CRIM1: variants seen among roughly 807,000 people sequenced by gnomAD.
CRIM1 encodes cysteine rich transmembrane BMP regulator 1.
In CRIM1, 32 loss-of-function variants were observed where a neutral mutation model predicts 116.4. The ratio of observed to expected loss-of-function variants is 0.27; its 90% CI spans 0.21 to 0.37. The LOEUF is 0.37. CRIM1 is among the 10% of genes least tolerant of loss of function. The pLI, the probability that CRIM1 is intolerant of heterozygous loss-of-function variation, is 1.00. For missense variants in CRIM1, 1,331 were observed against 1,354.8 expected (o/e 0.98, Z 0.28); for synonymous variants, 590 against 509.2 (o/e 1.16, Z -2.13).
intron 6 of CRIM1, among the ~76,000 whole-genome samples, chr2:36,477,620 A>G (rs1352646346): frequency 2.0e-5 from 3 of 152,202 alleles, no homozygotes; most frequent in Non-Finnish European, 4.4e-5. Context: ...ACCTGGTGAC[A>G]CCAACTCAAG....
At chr2:36,489,067 G>A (rs1680043187) in intron 7 of CRIM1, among the ~76,000 whole-genome samples, 1 of 152,130 alleles carries the variant, frequency 6.6e-6, no homozygotes, top group Admixed American at 6.5e-5. Context: ...CTTTAAAAAA[G>A]TATTCATTCA....
chr2:36,483,636 G>C (rs11692416), intron 7 of CRIM1, among the ~76,000 whole-genome samples: 5 of 151,974 alleles, frequency 3.3e-5, no homozygotes, highest in Non-Finnish European at 7.4e-5. Flanking sequence ...CCTGAAAGAG[G>C]CTCCATCCCC....
At chr2:36,422,805 C>T (rs1674171927) in intron 2 of CRIM1, among the ~76,000 whole-genome samples, 1 of 152,160 alleles carries the variant, frequency 6.6e-6, no homozygotes, top group African/African-American at 2.4e-5. Flanking sequence ...CTCATAGGAG[C>T]TGTTATTGCA....
At chr2:36,480,720 C>T (rs920568857) in intron 7 of CRIM1, among the ~76,000 whole-genome samples, 1 of 152,122 alleles carries the variant, frequency 6.6e-6, no homozygotes, top group African/African-American at 2.4e-5. Context: ...AAAGTTTAAG[C>T]TTGAGGCCTC....
intron 8 of CRIM1, among the ~76,000 whole-genome samples, chr2:36,507,328 T>G (rs1183665376): frequency 6.6e-6 from 1 of 152,236 alleles, no homozygotes; most frequent in Non-Finnish European, 1.5e-5. Context: ...CAGGAAAATT[T>G]CAATGTTATC....
In CRIM1 at chr2:36,377,354, A is replaced by T. The variant is rs544224830; in HGVS notation, c.332-19260A>T. Among the ~76,000 whole-genome samples the T allele has an allele frequency of 9.8e-5, 15 of 152,372 alleles. No individual in the cohort carries two copies. The South Asian group carries it at 2.7e-3, about 27-fold the overall frequency. On this transcript the variant is annotated intron_variant, in intron 1 of 16. Transcript: ENST00000280527. ...AGTCTCAAGAAAACCTGCCCAGTAG[A>T]AATGACTTCCTCTGGAGAAATTTAG...
Position 36,510,036 on chromosome 2 carries a change from G to C in CRIM1, c.1555G>C (p.Gly519Arg). The change falls in exon 9 of 17, where the codon GGT becomes CGT. Residue 519 changes from glycine (G) to arginine (R), a missense_variant. Coordinates refer to ENST00000280527, the MANE Select transcript of CRIM1 (RefSeq NM_016441.3). ...AGGCTGCACCTTGAACTGTCCCTTCGGTTTCCTTACTGATGCCCAAAACTG... is the reference window on the plus strand; with the variant it reads ...AGGCTGCACCTTGAACTGTCCCTTCCGTTTCCTTACTGATGCCCAAAACTG... Reference protein sequence around the residue: ...KQGCTLNCPFGFLTDAQNCEI... With the variant: ...KQGCTLNCPFRFLTDAQNCEI... 6.2e-7 allele frequency: 1 copy of C among 1,614,126 alleles called. No individual in the cohort carries two copies. Among genetic ancestry groups the C allele is most frequent in the Non-Finnish European group, 8.5e-7 (1 of 1,179,998 alleles).
At chr2:36,413,042 G>T (rs960135039) in intron 2 of CRIM1, among the ~76,000 whole-genome samples, 1 of 152,158 alleles carries the variant, frequency 6.6e-6, no homozygotes, top group Admixed American at 6.5e-5. Context: ...TGTGAAATGG[G>T]CTTACGAATG....
At chr2:36,384,320 G>A (rs1325830188) in intron 1 of CRIM1, among the ~76,000 whole-genome samples, 1 of 152,198 alleles carries the variant, frequency 6.6e-6, no homozygotes, top group Non-Finnish European at 1.5e-5. Flanking sequence ...GCTAGGGCTA[G>A]GCACAGGCCT....
At chr2:36,541,579 G>A (rs1165984159) in intron 14 of CRIM1, among the ~76,000 whole-genome samples, 1 of 152,078 alleles carries the variant, frequency 6.6e-6, no homozygotes, top group South Asian at 2.1e-4. Flanking sequence ...CAAGCACCTC[G>A]CCCCGTATTC....
intron 2 of CRIM1, among the ~76,000 whole-genome samples, chr2:36,439,321 C>T (rs555992966): frequency 3.9e-5 from 6 of 152,320 alleles, no homozygotes; most frequent in African/African-American, 1.4e-4. Context: ...CCCACGTCTC[C>T]TTCCTCCCCA....
chr2:36,391,453 A>G (rs1558531104), intron 1 of CRIM1, among the ~76,000 whole-genome samples: 1 of 152,048 alleles, frequency 6.6e-6, no homozygotes, highest in Admixed American at 6.5e-5. Context: ...TAGAACATTA[A>G]TGTGCTGGGA....
rs1667649663 is a variant in CRIM1, at chr2:36,550,055, G to GTA, written c.*1355_*1356insAT. 1 of 149,040 alleles carries GTA rather than the reference G, an allele frequency of 6.7e-6. No individual in the cohort carries two copies. The highest frequency in any genetic ancestry group is 2.3e-4 in the South Asian group (1 of 4,410). 9.2% of individuals were successfully genotyped at this position (149,040 alleles called of 1,614,324 possible). A position where few individuals can be genotyped will look rare whatever the true frequency, so the allele number is the denominator to read the frequency against. The stretch of plus-strand genomic sequence containing the variant: ...TGAGAGTATGTATGTGTGTGTGTGT[G>GTA]TGTGTGTGTGTGCGCGCGCACGCAC... On this transcript the variant is annotated 3_prime_UTR_variant, in exon 17 of 17. Transcript: ENST00000280527.
chr2:36,434,923 C>T (rs933934049), intron 2 of CRIM1, among the ~76,000 whole-genome samples: 7 of 152,094 alleles, frequency 4.6e-5, no homozygotes, highest in African/African-American at 1.7e-4. Flanking sequence ...GCCTGTGTTG[C>T]GATGCCATGT....
chr2:36,442,096 C>T (rs1308052478), intron 3 of CRIM1, among the ~76,000 whole-genome samples: 1 of 152,174 alleles, frequency 6.6e-6, no homozygotes, highest in Non-Finnish European at 1.5e-5. Context: ...CCAGCTGTTT[C>T]TTGCTTTATA....
intron 2 of CRIM1, among the ~76,000 whole-genome samples, chr2:36,401,492 A>G (rs1672399618): frequency 6.6e-6 from 1 of 152,206 alleles, no homozygotes; most frequent in Non-Finnish European, 1.5e-5. Context: ...GAGCACCACA[A>G]AAGTTAAATT....
At chr2:36,412,010 G>C (rs532288235) in intron 2 of CRIM1, among the ~76,000 whole-genome samples, 54 of 152,250 alleles carry the variant, frequency 3.5e-4, no homozygotes, top group African/African-American at 8.9e-4. Flanking sequence ...CACTAGTGAA[G>C]CTGACCCTAT....
At chr2:36,506,135 A>G (rs71437557) in intron 8 of CRIM1, among the ~76,000 whole-genome samples, 14 of 99,138 alleles carry the variant, frequency 1.4e-4, no homozygotes, top group Admixed American at 3.5e-4. Context: ...TGCAGGGTGC[A>G]CACACACACA....
chr2:36,548,527 T>C lies in CRIM1; in HGVS notation c.2937T>C (p.Pro979=), dbSNP rs1373433693. 2 of 1,562,972 alleles carry C rather than the reference T, an allele frequency of 1.3e-6. No individual in the cohort carries two copies. The highest frequency in any genetic ancestry group is 1.7e-6 in the Non-Finnish European group (2 of 1,161,376). The change falls in exon 17 of 17, where the codon CCT becomes CCC. Residue 979 remains proline (P), a splice_region_variant and synonymous_variant. Transcript: ENST00000280527. The stretch of plus-strand genomic sequence containing the variant: ...TTATTCCTCCTCTCATTAAATAGCC[T>C]TCTTCCTTAAATAATCAGCTAGTAT... ...LLCWYRTPTK[P]SSLNNQLVSV...
Sources: gnomAD v4.1 joint callset for allele counts (sites outside exome capture counted in the v4.1 genomes callset) on GRCh38, gnomAD v4.1.1 for gene constraint, MANE v1.5 for transcripts, NCBI Gene and HGNC (gene_info 2026-07-23, HGNC 2026-07-21) for gene names.